MT4: variants seen among roughly 807,000 people sequenced by gnomAD.
The protein encoded by MT4 is metallothionein-4.
MT4 carries 11 observed loss-of-function variants against 9.5 expected under a neutral mutation model. That is an observed-to-expected ratio of 1.16 (90% CI 0.73 to 1.92). The LOEUF is 1.92. Ranked by LOEUF, MT4 falls within the 30% of genes most tolerant of loss-of-function variation. The probability of loss-of-function intolerance (pLI) is 0.00; values close to 1 mark genes in which losing one functional copy is unlikely to be tolerated. For missense variants in MT4, 88 were observed against 78.7 expected (o/e 1.12, Z -0.45); for synonymous variants, 29 against 24.6 (o/e 1.18, Z -0.53).
At position 56,568,837 on chromosome 16, in the gene MT4, T is replaced by G; in HGVS notation, c.98-4T>G. ...CGGATCTGCGCATCTCCTGACTCTT[T>G]CAGGCTGCTGTCCCTGCTGCCCCCC... On this transcript the variant is annotated splice_polypyrimidine_tract_variant and splice_region_variant and intron_variant, in intron 2 of 2. Transcript: ENST00000219162. The G allele has an allele frequency of 6.3e-7, 1 of 1,587,060 alleles. No homozygotes were observed.
chr16:56,568,916 G>A lies in MT4; in HGVS notation c.173G>A (p.Cys58Tyr), dbSNP rs768031589. Residue 58 changes from cysteine (C) to tyrosine (Y), a missense_variant, in exon 3 of 3, where the codon TGC (cysteine) becomes TAC (tyrosine). Physicochemically the swap from Cys to Tyr is radical, Grantham distance 194 (BLOSUM62 -2). Coordinates refer to ENST00000219162, the MANE Select transcript of MT4 (RefSeq NM_032935.3). The part of the protein sequence containing the change: ...GCICKGGSDK[C>Y]SCCP The stretch of plus-strand genomic sequence containing the variant: ...ATCTGCAAAGGAGGCTCAGACAAGT[G>A]CAGCTGCTGCCCATGAAAGCCATCC... 4 of 1,604,598 alleles carry A rather than the reference G, an allele frequency of 2.5e-6. No individual in the cohort carries two copies. In the African/African-American group the frequency reaches 4.0e-5, roughly 16 times the overall value.
intron 1 of MT4, among the ~76,000 whole-genome samples, chr16:56,565,671 G>C (rs1207537993): frequency 6.6e-6 from 1 of 152,168 alleles, no homozygotes; most frequent in African/African-American, 2.4e-5. Context: ...GGACTCTTGA[G>C]TCTCTGAAAC....
rs961002121 is a variant in MT4, at chr16:56,565,278, T to C, written c.31+119T>C. The C allele has an allele frequency of 5.3e-6, 6 of 1,129,714 alleles. 1 individual carries two copies. The South Asian group carries it at 8.0e-5, about 15-fold the overall frequency. The allele number at this position is 1,129,714 out of a possible 1,614,324, so 70.0% of individuals were successfully genotyped here. Reference sequence around the variant, plus strand: ...AATTAGGAGCCACCAATGGGGTTCGTCCTGGGAGCCGACAGGTGGACTGGC... The same window carrying C: ...AATTAGGAGCCACCAATGGGGTTCGCCCTGGGAGCCGACAGGTGGACTGGC... On this transcript the variant is annotated intron_variant, in intron 1 of 2. Coordinates refer to ENST00000219162, the MANE Select transcript of MT4 (RefSeq NM_032935.3).
At chr16:56,568,367 A>G (rs762881208) in intron 2 of MT4, among the ~76,000 whole-genome samples, 1 of 152,064 alleles carries the variant, frequency 6.6e-6, no homozygotes, top group Non-Finnish European at 1.5e-5. Flanking sequence ...TCCTCCAGCC[A>G]TGGTGGATTG....
At chr16:56,566,056 C>T (rs1228442373) in intron 1 of MT4, among the ~76,000 whole-genome samples, 2 of 97,162 alleles carry the variant, frequency 2.1e-5, no homozygotes, top group Non-Finnish European at 2.7e-5. Flanking sequence ...AGAGCAAGAC[C>T]CTTTCTCAAA....
intron 2 of MT4, 50 bp downstream of exon 2, chr16:56,567,866 A>C (rs1489487230): frequency 2.6e-6 from 4 of 1,528,224 alleles, no homozygotes; most frequent in Non-Finnish European, 3.6e-6. Flanking sequence ...GAAAAGTCCA[A>C]TCCAGGCCAG....
In MT4 at chr16:56,565,626, A is replaced by T. The variant is rs986918119; in HGVS notation, c.31+467A>T. Among the ~76,000 whole-genome samples the T allele has an allele frequency of 7.7e-4, 118 of 152,308 alleles. 1 individual carries two copies. Among genetic ancestry groups the T allele is most frequent in the African/African-American group, 2.7e-3 (112 of 41,570 alleles). ...TGCTAAAACCATTAAGCACCTGCAG[A>T]TGTCAGGGGAGTTGTGGACTCCCCT... On this transcript the variant is annotated intron_variant, in intron 1 of 2. Coordinates refer to ENST00000219162, the MANE Select transcript of MT4 (RefSeq NM_032935.3).
At chr16:56,565,996 C>T (rs763940492) in intron 1 of MT4, among the ~76,000 whole-genome samples, 42 of 151,310 alleles carry the variant, frequency 2.8e-4, no homozygotes, top group Non-Finnish European at 2.2e-4. Flanking sequence ...CCCAGGAGTT[C>T]GAGGCTGCAG....
chr16:56,568,395 G>T (rs771513332), intron 2 of MT4, among the ~76,000 whole-genome samples: 9 of 152,046 alleles, frequency 5.9e-5, no homozygotes, highest in Non-Finnish European at 7.4e-5. Flanking sequence ...TGGGGAGGGG[G>T]TCTAGATGCC....
At chr16:56,566,602 AAGAG>A (rs1346855856) in intron 1 of MT4, among the ~76,000 whole-genome samples, 2 of 147,264 alleles carry the variant, frequency 1.4e-5, no homozygotes, top group Non-Finnish European at 1.5e-5. Flanking sequence ...GAGAGAGAGA[AAGAG>A]AGAAAGAGAA....
At chr16:56,567,655 C>A in intron 1 of MT4, 96 bp from the exon 2 acceptor site, 1 of 1,158,392 alleles carries the variant, frequency 8.6e-7, no homozygotes, top group Non-Finnish European at 1.3e-6. Flanking sequence ...AGGATATAGC[C>A]CAGGAGCCTT....
In MT4 at chr16:56,567,811, G is replaced by A. The variant is rs767378116; in HGVS notation, c.92G>A (p.Trp31Ter). The change falls in exon 2 of 3, where the codon TGG (tryptophan) becomes TAG (stop). Residue 31 changes from tryptophan to a stop codon, truncating the protein, a stop_gained. Coordinates refer to ENST00000219162, the MANE Select transcript of MT4 (RefSeq NM_032935.3). LOFTEE classifies it high-confidence loss of function. The part of the protein sequence containing the change: ...KCTTCNCKTY[W>*]KSCCPCCPPG... ...ACAACCTGCAACTGTAAAACATATT[G>A]GAAGAGTGAGTATGGTGACTGGGGG... 21 of 1,611,786 alleles carry A rather than the reference G, an allele frequency of 1.3e-5. No individual in the cohort carries two copies. Among genetic ancestry groups the A allele is most frequent in the Middle Eastern group, 3.3e-4 (2 of 6,072 alleles).
intron 1 of MT4, 135 bp downstream of exon 1, chr16:56,565,294 G>T (rs946900358): frequency 1.1e-6 from 1 of 874,274 alleles, no homozygotes; most frequent in Non-Finnish European, 1.7e-6. Flanking sequence ...GAGCCGACAG[G>T]TGGACTGGCC....
intron 2 of MT4, 34 bp downstream of exon 2, chr16:56,567,850 G>A (rs1959556497): frequency 6.3e-7 from 1 of 1,591,280 alleles, no homozygotes; most frequent in Non-Finnish European, 8.6e-7. Context: ...CATGGGCTGG[G>A]AGTTAGAAAA....
In MT4 at chr16:56,566,803, AAAG is replaced by A. The variant is rs1567329992; in HGVS notation, c.32-945_32-943del. On this transcript the variant is annotated intron_variant, in intron 1 of 2. Coordinates refer to ENST00000219162, the MANE Select transcript of MT4 (RefSeq NM_032935.3). ...GAAAGAAAGAAAGAAAGAAAGAAAG[AAAG>A]AAAGAAAGAAAGAAAAGAAAGAAAG... Among the ~76,000 whole-genome samples, 213 of 46,358 alleles carry A rather than the reference AAAG, an allele frequency of 4.6e-3. 1 individual carries two copies. The highest frequency in any genetic ancestry group is 6.6e-3 in the African/African-American group (105 of 16,010). The allele number at this position is 46,358 out of a possible 152,430, so 30.4% of individuals were successfully genotyped here.
chr16:56,566,734 GA>G (rs1199517466), intron 1 of MT4, among the ~76,000 whole-genome samples: 4,289 of 35,824 alleles, frequency 0.12, 104 homozygotes, highest in Non-Finnish European at 0.17. Context: ...AAGAAAGAAA[GA>G]AAGAAAGAAA....
chr16:56,568,172 GAAGA>G (rs1339575292), intron 2 of MT4, among the ~76,000 whole-genome samples: 9 of 142,908 alleles, frequency 6.3e-5, no homozygotes, highest in Middle Eastern at 3.6e-3. Flanking sequence ...AGGAAGGAAG[GAAGA>G]AAGGAAGGAA....
intron 2 of MT4, among the ~76,000 whole-genome samples, chr16:56,568,051 G>A (rs1378444660): frequency 6.6e-6 from 1 of 151,642 alleles, no homozygotes; most frequent in East Asian, 1.9e-4. Context: ...TACTCAGGAG[G>A]CTGAGGCAGG....
intron 2 of MT4, among the ~76,000 whole-genome samples, chr16:56,568,275 A>G (rs866001215): frequency 0.068 from 6,264 of 91,872 alleles, 201 homozygotes; most frequent in Middle Eastern, 0.083. Context: ...GAGAGAGAGA[A>G]AGAAAGAAAG....
Sources: gnomAD v4.1 joint callset for allele counts (sites outside exome capture counted in the v4.1 genomes callset) on GRCh38, gnomAD v4.1.1 for gene constraint, MANE v1.5 for transcripts, NCBI Gene and HGNC (gene_info 2026-07-23, HGNC 2026-07-21) for gene names.